The following JUP variants were observed in gnomAD, a reference collection of about 807,000 sequenced individuals.
JUP encodes the protein catenin (cadherin-associated protein), gamma 80kDa.
In JUP, 28 loss-of-function variants were observed where a neutral mutation model predicts 71.1. The ratio of observed to expected loss-of-function variants is 0.39; its 90% CI spans 0.29 to 0.54. JUP has a LOEUF of 0.54. Ranked by LOEUF, JUP falls within the 20% of genes least tolerant of loss-of-function variation. The probability of loss-of-function intolerance (pLI) is 0.62; values close to 1 mark genes in which losing one functional copy is unlikely to be tolerated. For missense variants in JUP, 869 were observed against 1,030.1 expected, an observed-to-expected ratio of 0.84 and a Z score of 2.14; for synonymous variants, 401 against 438.9, an observed-to-expected ratio of 0.91 and a Z score of 1.08.
rs145976066 is a variant in JUP at position 41,785,394 on chromosome 17, G to A, written c.-9+1194C>T. ...CGCAGGCCTTGTCTGAGGGGGTGTGGTGGTCCCAGGAGGCAGGAAGAGAAG... is the reference window on the plus strand; with the variant it reads ...CGCAGGCCTTGTCTGAGGGGGTGTGATGGTCCCAGGAGGCAGGAAGAGAAG... On this transcript the variant is annotated intron_variant, in intron 1 of 13. Transcript: ENST00000393931. Among the ~76,000 whole-genome samples, 154 of 152,286 alleles carry A rather than the reference G, an allele frequency of 1.0e-3. 1 individual carries two copies. The highest frequency in any genetic ancestry group is 3.6e-3 in the African/African-American group (151 of 41,564).
chr17:41,755,071 G>A lies in JUP; in HGVS notation c.*673C>T, dbSNP rs2143354399. 1 of 387,476 alleles carries A rather than the reference G, an allele frequency of 2.6e-6. No homozygotes were observed. The allele number at this position is 387,476 out of a possible 1,614,324, so 24.0% of individuals were successfully genotyped here. A position where few individuals can be genotyped will look rare whatever the true frequency, so the allele number is the denominator to read the frequency against. On this transcript the variant is annotated 3_prime_UTR_variant, in exon 14 of 14. Coordinates refer to ENST00000393931, the MANE Select transcript of JUP (RefSeq NM_002230.4). Reference sequence around the variant, plus strand: ...GAGGCCCTGGGGGCTTAGGGCAGTTGGTCGGTGGAGTTCAGTGAGAAAATC... The same window carrying A: ...GAGGCCCTGGGGGCTTAGGGCAGTTAGTCGGTGGAGTTCAGTGAGAAAATC...
chr17:41,768,561 C>CA (rs879956266), intron 4 of JUP, among the ~76,000 whole-genome samples: 296 of 131,568 alleles, frequency 2.2e-3, no homozygotes, highest in African/African-American at 5.5e-3. Flanking sequence ...GGCCTCATCT[C>CA]AAAAAAAAAA....
intron 5 of JUP, 39 bp downstream of exon 5, chr17:41,767,340 G>C: frequency 6.4e-7 from 1 of 1,568,762 alleles, no homozygotes; most frequent in Admixed American, 1.7e-5. Context: ...ATGGCGCAAG[G>C]GTGGGCTTCA....
In JUP at chr17:41,769,450, C is replaced by T. The variant is rs146581757; in HGVS notation, c.436G>A (p.Glu146Lys). The change falls in exon 3 of 14, where the codon GAG becomes AAG. Residue 146 changes from glutamate to lysine, a missense_variant. Glu to Lys is a moderately conservative substitution (Grantham distance 56). Coordinates refer to ENST00000393931, the MANE Select transcript of JUP (RefSeq NM_002230.4). ...DAELATRALP[E>K]LTKLLNDEDP... ...TCGTCGTTGAGCAGTTTGGTGAGCT[C>T]GGGCAGGGCGCGAGTGGCCAGCTCG... 2.3e-5 allele frequency: 37 copies of T among 1,612,754 alleles called. No homozygotes were observed. Among genetic ancestry groups the T allele is most frequent in the African/African-American group, 4.0e-5 (3 of 74,882 alleles).
chr17:41,765,856 CT>C (rs543252683), intron 5 of JUP, among the ~76,000 whole-genome samples: 82 of 152,274 alleles, frequency 5.4e-4, no homozygotes, highest in African/African-American at 1.8e-3. Context: ...TTTTTCCGCT[CT>C]TTGACAAAGG....
intron 1 of JUP, among the ~76,000 whole-genome samples, chr17:41,777,697 G>GA (rs1277878283): frequency 6.6e-6 from 1 of 152,256 alleles, no homozygotes; most frequent in African/African-American, 2.4e-5. Flanking sequence ...GTGGCCTGAG[G>GA]ATGAGCTGGG....
rs1555605878 is a variant in JUP, at chr17:41,769,585, G to A, written c.301C>T (p.Leu101=). The A allele has an allele frequency of 5.6e-6, 9 of 1,605,930 alleles. No individual in the cohort carries two copies. Among genetic ancestry groups the A allele is most frequent in the Non-Finnish European group, 7.6e-6 (9 of 1,177,068 alleles). Reference sequence around the variant, plus strand: ...TGCCCCTCCACCTGGGTGGCCAGCAGAAGCGAGCTGTCCTCGCCTGACACA... The same window carrying A: ...TGCCCCTCCACCTGGGTGGCCAGCAAAAGCGAGCTGTCCTCGCCTGACACA... ...PGVSGEDSSL[L]LATQVEGQAT... is the part of the protein sequence containing the mutation. Residue 101 remains leucine (L), a synonymous_variant, in exon 3 of 14, where the codon CTG becomes TTG. Transcript: ENST00000393931.
At chr17:41,772,728 G>A in intron 1 of JUP, 1 of 870,358 alleles carries the variant, frequency 1.1e-6, no homozygotes, top group Non-Finnish European at 1.4e-6. Flanking sequence ...GTCTCCTCGA[G>A]CCCAGGCTAG....
chr17:41,771,209 T>C (rs1916595812), intron 2 of JUP, among the ~76,000 whole-genome samples: 1 of 152,156 alleles, frequency 6.6e-6, no homozygotes, highest in South Asian at 2.1e-4. Context: ...TTTTTGTATT[T>C]TTAGTAGAGA....
chr17:41,771,639 G>A lies in JUP; in HGVS notation c.208+8C>T. The A allele has an allele frequency of 6.2e-7, 1 of 1,612,220 alleles. No individual in the cohort carries two copies. The highest frequency in any genetic ancestry group is 8.5e-7 in the Non-Finnish European group (1 of 1,179,632). Reference sequence around the variant, plus strand: ...CTGCCCCATGCAATAGTCCCCAGGGGTCCTGACCTTGGCTGGGGGGCACCC... The same window carrying A: ...CTGCCCCATGCAATAGTCCCCAGGGATCCTGACCTTGGCTGGGGGGCACCC... On this transcript the variant is annotated splice_region_variant and intron_variant, in intron 2 of 13. Transcript: ENST00000393931.
Position 41,771,634 on chromosome 17 carries a change from C to T in JUP, c.208+13G>A, listed in dbSNP as rs1916661330. On this transcript the variant is annotated intron_variant, in intron 2 of 13. Transcript: ENST00000393931. ...GTTTTCTGCCCCATGCAATAGTCCC[C>T]AGGGGTCCTGACCTTGGCTGGGGGG... is the stretch of plus-strand genomic sequence containing the variant. 6.2e-7 allele frequency: 1 copy of T among 1,611,808 alleles called. No individual in the cohort carries two copies.
chr17:41,776,717 G>A (rs887274211), intron 1 of JUP, among the ~76,000 whole-genome samples: 13 of 152,122 alleles, frequency 8.5e-5, no homozygotes, highest in African/African-American at 3.1e-4. Flanking sequence ...AAAACAAAAA[G>A]GTGAGGGGGC....
Position 41,758,801 on chromosome 17 carries a change from C to A in JUP, c.1567G>T (p.Val523Phe). 6.2e-7 allele frequency: 1 copy of A among 1,611,646 alleles called. No individual in the cohort carries two copies. The highest frequency in any genetic ancestry group is 8.5e-7 in the Non-Finnish European group (1 of 1,178,830). Residue 523 changes from valine to phenylalanine, a missense_variant, in exon 9 of 14, where the codon GTC (valine) becomes TTC (phenylalanine). Transcript: ENST00000393931. ...ANHAPLQEAA[V>F]IPRLVQLLVK... is the part of the protein sequence containing the mutation. Reference sequence around the variant, plus strand: ...AGCAGTTGGACGAGGCGGGGGATGACCGCTGCCTCCTGCAGCGGGGCATGG... The same window carrying A: ...AGCAGTTGGACGAGGCGGGGGATGAACGCTGCCTCCTGCAGCGGGGCATGG...
At chr17:41,778,889 T>TG (rs2047019120) in intron 1 of JUP, among the ~76,000 whole-genome samples, 1 of 142,118 alleles carries the variant, frequency 7.0e-6, no homozygotes, top group Non-Finnish European at 1.5e-5. Context: ...CCAGCCTGGG[T>TG]GACAGAGCGA....
rs782179043 is a variant in JUP, at chr17:41,767,535, G to A, written c.753C>T (p.His251=). 3 of 1,613,654 alleles carry A rather than the reference G, an allele frequency of 1.9e-6. No homozygotes were observed. The South Asian group carries it at 3.3e-5, about 18-fold the overall frequency. Residue 251 remains histidine (H), a synonymous_variant, in exon 5 of 14, where the codon CAC becomes CAT. Coordinates refer to ENST00000393931, the MANE Select transcript of JUP (RefSeq NM_002230.4). Reference sequence around the variant, plus strand: ...CGCCCTCCTGGTACAGGAGCAGGTTGTGCAGCGTGGTGATGGCATAGAACA... The same window carrying A: ...CGCCCTCCTGGTACAGGAGCAGGTTATGCAGCGTGGTGATGGCATAGAACA... ...SVLFYAITTL[H]NLLLYQEGAK...
chr17:41,775,028 G>C (rs545200763), intron 1 of JUP, among the ~76,000 whole-genome samples: 1 of 151,962 alleles, frequency 6.6e-6, no homozygotes, highest in East Asian at 1.9e-4. Context: ...GCTTAAACCA[G>C]GGAGGTGCAT....
At chr17:41,766,036 C>T (rs898222916) in intron 5 of JUP, among the ~76,000 whole-genome samples, 1 of 152,050 alleles carries the variant, frequency 6.6e-6, no homozygotes, top group African/African-American at 2.4e-5. Context: ...AGGAGGATTC[C>T]TTGAGGGTAG....
intron 1 of JUP, among the ~76,000 whole-genome samples, chr17:41,777,763 G>T (rs2046954965): frequency 6.6e-6 from 1 of 152,174 alleles, no homozygotes; most frequent in Admixed American, 6.5e-5. Flanking sequence ...CCTCCTTCTG[G>T]GCTCCTTCCC....
Position 41,786,567 on chromosome 17 carries a change from TGC to T in JUP, c.-9+19_-9+20del, listed in dbSNP as rs67537421. On this transcript the variant is annotated intron_variant, in intron 1 of 13. Coordinates refer to ENST00000393931, the MANE Select transcript of JUP (RefSeq NM_002230.4). ...CCACCCCTCTGTCCCCAACGATACC[TGC>T]GCCCCCGATAGCCCGCACCTGAGTA... The T allele has an allele frequency of 0.66, 100,631 of 152,082 alleles. 33,485 individuals are homozygous for T. The highest frequency in any genetic ancestry group is 0.76 in the South Asian group (3,689 of 4,832). 9.4% of individuals were successfully genotyped at this position (152,082 alleles called of 1,614,324 possible). A position where few individuals can be genotyped will look rare whatever the true frequency, so the allele number is the denominator to read the frequency against.
Sources: gnomAD v4.1 joint callset for allele counts (sites outside exome capture counted in the v4.1 genomes callset) on GRCh38, gnomAD v4.1.1 for gene constraint, MANE v1.5 for transcripts, NCBI Gene and HGNC (gene_info 2026-07-23, HGNC 2026-07-21) for gene names.